The following EXOC6B variants were observed in gnomAD, a reference collection of about 807,000 sequenced individuals.
EXOC6B encodes SEC15 homolog B.
EXOC6B carries 54 observed loss-of-function variants against 113.5 expected under a neutral mutation model. The observed-to-expected ratio is 0.48, with a 90% confidence interval of 0.38 to 0.60. The LOEUF (loss-of-function observed/expected upper bound fraction) is 0.60, where lower values mean the gene tolerates loss of function less well. Ranked by LOEUF, EXOC6B falls within the 20% of genes least tolerant of loss-of-function variation. EXOC6B has a pLI of 0.00. For missense variants in EXOC6B, 797 were observed against 977.5 expected, an observed-to-expected ratio of 0.82 and a Z score of 2.46; for synonymous variants, 357 against 339.0, an observed-to-expected ratio of 1.05 and a Z score of -0.58.
At chr2:72,195,003 C>T (rs754967920) in intron 20 of EXOC6B, among the ~76,000 whole-genome samples, 3 of 152,166 alleles carry the variant, frequency 2.0e-5, no homozygotes, top group Non-Finnish European at 4.4e-5. Context: ...TGGATGGAAG[C>T]TTCATTAAGT....
intron 18 of EXOC6B, chr2:72,461,938 A>G (rs1482795417): frequency 6.6e-6 from 1 of 152,086 alleles, no homozygotes; most frequent in Non-Finnish European, 1.5e-5. Context: ...AGAGTTACAA[A>G]TTATGTTCAT....
intron 16 of EXOC6B, among the ~76,000 whole-genome samples, chr2:72,487,697 T>C (rs1324183519): frequency 2.0e-5 from 3 of 152,248 alleles, no homozygotes; most frequent in Non-Finnish European, 4.4e-5. Flanking sequence ...TCAACTATGT[T>C]ATAGCATGTC....
At chr2:72,592,147 G>A (rs751827506) in intron 6 of EXOC6B, among the ~76,000 whole-genome samples, 3 of 152,030 alleles carry the variant, frequency 2.0e-5, no homozygotes, top group Non-Finnish European at 4.4e-5. Flanking sequence ...TATAAAAGCC[G>A]ACTGTTTAAA....
chr2:72,594,340 T>C (rs1558827111), intron 6 of EXOC6B, among the ~76,000 whole-genome samples: 1 of 151,930 alleles, frequency 6.6e-6, no homozygotes, highest in African/African-American at 2.4e-5. Context: ...CTTCAGAAAA[T>C]GGAGGAGAAC....
chr2:72,415,752 G>A (rs566966725), intron 18 of EXOC6B, among the ~76,000 whole-genome samples: 7 of 152,070 alleles, frequency 4.6e-5, no homozygotes, highest in East Asian at 1.9e-4. Flanking sequence ...ATCACAAAGC[G>A]ATTATGATCA....
chr2:72,497,683 A>G, intron 13 of EXOC6B, among the ~76,000 whole-genome samples: 1 of 152,200 alleles, frequency 6.6e-6, no homozygotes, highest in East Asian at 1.9e-4. Flanking sequence ...ATAAACGAGA[A>G]GAGTAAGAGT....
At chr2:72,626,319 A>G (rs1672047243) in intron 6 of EXOC6B, among the ~76,000 whole-genome samples, 1 of 152,128 alleles carries the variant, frequency 6.6e-6, no homozygotes, top group Admixed American at 6.5e-5. Context: ...TTGTATTTGG[A>G]GTTCATCTGA....
intron 19 of EXOC6B, among the ~76,000 whole-genome samples, chr2:72,378,731 AG>A (rs1691503663): frequency 6.6e-6 from 1 of 152,180 alleles, no homozygotes; most frequent in Non-Finnish European, 1.5e-5. Flanking sequence ...CAAGGGTGTG[AG>A]CAGACTCGTG....
At chr2:72,351,736 C>A (rs1353824669) in intron 19 of EXOC6B, among the ~76,000 whole-genome samples, 5 of 152,116 alleles carry the variant, frequency 3.3e-5, no homozygotes, top group Non-Finnish European at 5.9e-5. Flanking sequence ...TTGCCTCTCT[C>A]CTATGGATTT....
At position 72,179,480 on chromosome 2, in the gene EXOC6B, A is replaced by G. The variant is rs754721510; in HGVS notation, c.2310-19T>C. ...CTTCATCCTAAACAGAGAAGGAAAG[A>G]AAGAGGGCAACATGTTTGAGGAAAC... is the stretch of plus-strand genomic sequence containing the variant. On this transcript the variant is annotated intron_variant, in intron 21 of 21. Transcript: ENST00000272427. The G allele has an allele frequency of 1.2e-5, 19 of 1,613,596 alleles. No homozygotes were observed. Among genetic ancestry groups the G allele is most frequent in the Non-Finnish European group, 1.4e-5 (17 of 1,179,850 alleles).
chr2:72,637,141 C>T (rs1672897263), intron 6 of EXOC6B, among the ~76,000 whole-genome samples: 1 of 151,858 alleles, frequency 6.6e-6, no homozygotes, highest in African/African-American at 2.4e-5. Flanking sequence ...ATGCTAAAAA[C>T]AACAAAACAC....
intron 11 of EXOC6B, among the ~76,000 whole-genome samples, chr2:72,505,763 C>G (rs1330404943): frequency 6.6e-6 from 1 of 152,084 alleles, no homozygotes; most frequent in African/African-American, 2.4e-5. Flanking sequence ...TCCTGACTAT[C>G]TTGAATACGT....
chr2:72,582,467 A>G (rs1705283941), intron 6 of EXOC6B, among the ~76,000 whole-genome samples: 1 of 152,128 alleles, frequency 6.6e-6, no homozygotes, highest in South Asian at 2.1e-4. Flanking sequence ...CAGTAAGATG[A>G]GATCATACCA....
At chr2:72,438,824 G>C (rs1235293485) in intron 18 of EXOC6B, among the ~76,000 whole-genome samples, 1 of 152,028 alleles carries the variant, frequency 6.6e-6, no homozygotes, top group Non-Finnish European at 1.5e-5. Flanking sequence ...CTTGCTATAG[G>C]GTGTCTGAAG....
chr2:72,530,460 T>C (rs1378129184), intron 8 of EXOC6B, among the ~76,000 whole-genome samples: 1 of 152,180 alleles, frequency 6.6e-6, no homozygotes, highest in Non-Finnish European at 1.5e-5. Flanking sequence ...TTGAGGTCTA[T>C]GTGTGATTTC....
intron 7 of EXOC6B, among the ~76,000 whole-genome samples, chr2:72,569,694 G>A (rs979598943): frequency 6.6e-6 from 1 of 152,112 alleles, no homozygotes; most frequent in Non-Finnish European, 1.5e-5. Flanking sequence ...TTAAGTTTAA[G>A]TTTAAACTCT....
chr2:72,493,217 G>T (rs1192984175), intron 15 of EXOC6B, among the ~76,000 whole-genome samples: 1 of 151,790 alleles, frequency 6.6e-6, no homozygotes, highest in East Asian at 1.9e-4. Flanking sequence ...CCCCTTAGAG[G>T]GACCAGTCCC....
intron 20 of EXOC6B, among the ~76,000 whole-genome samples, chr2:72,318,548 A>G (rs1471807896): frequency 6.6e-6 from 1 of 151,974 alleles, no homozygotes; most frequent in East Asian, 1.9e-4. Flanking sequence ...TGCATACCAC[A>G]TGCCCGGCCA....
intron 20 of EXOC6B, among the ~76,000 whole-genome samples, chr2:72,329,076 C>T (rs559873424): frequency 6.6e-6 from 1 of 152,212 alleles, no homozygotes; most frequent in South Asian, 2.1e-4. Context: ...CTGGTCCGTA[C>T]ACTTCCCAAC....
Sources: allele counts gnomAD v4.1 joint callset (sites outside exome capture counted in the v4.1 genomes callset), GRCh38; gene constraint gnomAD v4.1.1; transcripts MANE v1.5; gene names NCBI Gene and HGNC (gene_info 2026-07-23, HGNC 2026-07-21).